PRKAG2: variants seen among roughly 807,000 people sequenced by gnomAD.
PRKAG2 encodes 5'-AMP-activated protein kinase subunit gamma-2.
A neutral mutation model predicts 69.6 loss-of-function variants in PRKAG2; 26 were observed. That is an observed-to-expected ratio of 0.37 (90% CI 0.27 to 0.52). The LOEUF (loss-of-function observed/expected upper bound fraction) is 0.52, where lower values mean the gene tolerates loss of function less well. Ranked by LOEUF, PRKAG2 falls within the 20% of genes least tolerant of loss-of-function variation. The pLI is 0.90. For synonymous variants in PRKAG2, 293 were observed against 285.0 expected (o/e 1.03, Z -0.28); for missense variants, 557 against 740.0 (o/e 0.75, Z 2.87).
At chr7:151,856,474 G>A (rs370703656) in intron 1 of PRKAG2, among the ~76,000 whole-genome samples, 6 of 152,212 alleles carry the variant, frequency 3.9e-5, no homozygotes, top group African/African-American at 7.2e-5. Flanking sequence ...ACGAAAAGAC[G>A]TCCTGCAGGG....
chr7:151,737,344 T>TAAAA lies in PRKAG2; in HGVS notation c.466+43804_466+43807dup, dbSNP rs576477445. On this transcript the variant is annotated intron_variant, in intron 3 of 15. Transcript: ENST00000287878. Reference sequence around the variant, plus strand: ...AACACAGTGAGACCCCCATCTCTATTAAAAAAAAAAAAAGAGAGATTTAGC... The same window carrying TAAAA: ...AACACAGTGAGACCCCCATCTCTATTAAAAAAAAAAAAAAAAAGAGAGATTTAGC... Among the ~76,000 whole-genome samples, 1,192 of 143,192 alleles carry TAAAA rather than the reference T, an allele frequency of 8.3e-3. 15 individuals carry two copies. Among genetic ancestry groups the TAAAA allele is most frequent in the African/African-American group, 0.028 (1,079 of 38,008 alleles). 93.9% of individuals were successfully genotyped at this position (143,192 alleles called of 152,430 possible). A position where few individuals can be genotyped will look rare whatever the true frequency, so the allele number is the denominator to read the frequency against.
intron 3 of PRKAG2, among the ~76,000 whole-genome samples, chr7:151,764,751 GA>G (rs2075638262): frequency 2.0e-5 from 3 of 152,176 alleles, no homozygotes; most frequent in Admixed American, 2.0e-4. Context: ...GCAGTGTCAG[GA>G]TGGTCAGGGT....
rs1440169714 is a variant in PRKAG2, at chr7:151,735,938, C to A, written c.466+45214G>T. The stretch of plus-strand genomic sequence containing the variant: ...AGGCTCCGACTGGCGCCTCTCCGTG[C>A]TTCGATTTTGGTCCTTGTGTTTCTT... On this transcript the variant is annotated intron_variant, in intron 3 of 15. Transcript: ENST00000287878. 6 of 1,536,276 alleles carry A rather than the reference C, an allele frequency of 3.9e-6. No individual in the cohort carries two copies. In the South Asian group the frequency reaches 7.1e-5, roughly 18 times the overall value.
chr7:151,839,325 G>A (rs548968935), intron 1 of PRKAG2, among the ~76,000 whole-genome samples: 5 of 152,320 alleles, frequency 3.3e-5, no homozygotes, highest in Admixed American at 2.6e-4. Context: ...CAGCGTGGCC[G>A]GGCACCGCGG....
In PRKAG2 at chr7:151,638,778, C is replaced by T. The variant is rs566113702; in HGVS notation, c.685-6640G>A. On this transcript the variant is annotated intron_variant, in intron 4 of 15. Coordinates refer to ENST00000287878, the MANE Select transcript of PRKAG2 (RefSeq NM_016203.4). The surrounding 1 kb of genome is among the most constrained non-coding windows in gnomAD (Gnocchi z 4.3). ...CAATTGCCAAAAAAGCACTCCTTTA[C>T]GCACAGAGGTCGGATATGAGTTTGC... Among the ~76,000 whole-genome samples, 12 of 152,312 alleles carry T rather than the reference C, an allele frequency of 7.9e-5. No individual in the cohort carries two copies. Among genetic ancestry groups the T allele is most frequent in the African/African-American group, 2.4e-4 (10 of 41,582 alleles).
At chr7:151,753,200 G>T (rs1174852409) in intron 3 of PRKAG2, among the ~76,000 whole-genome samples, 1 of 152,228 alleles carries the variant, frequency 6.6e-6, no homozygotes, top group Non-Finnish European at 1.5e-5. Context: ...GAAACAAAAC[G>T]CGTGGCTGGA....
At chr7:151,650,059 A>G (rs1828223678) in intron 4 of PRKAG2, among the ~76,000 whole-genome samples, 1 of 152,156 alleles carries the variant, frequency 6.6e-6, no homozygotes, top group Non-Finnish European at 1.5e-5. Context: ...AACAGCAAAA[A>G]TTAAAAAGAA....
At chr7:151,636,419 C>T (rs944699807) in intron 4 of PRKAG2, among the ~76,000 whole-genome samples, 2 of 152,144 alleles carry the variant, frequency 1.3e-5, no homozygotes, top group Non-Finnish European at 2.9e-5. Flanking sequence ...AATAGGTGGT[C>T]TTTTGTGACT....
chr7:151,635,570 G>A (rs887934511), intron 4 of PRKAG2, among the ~76,000 whole-genome samples: 4 of 150,076 alleles, frequency 2.7e-5, no homozygotes, highest in Non-Finnish European at 5.9e-5. Context: ...ATTATGCTGA[G>A]GGGGAAAAAG....
chr7:151,588,111 C>T (rs547187876), intron 6 of PRKAG2, among the ~76,000 whole-genome samples: 2 of 152,294 alleles, frequency 1.3e-5, no homozygotes, highest in South Asian at 2.1e-4. Context: ...TGCTTCCCCC[C>T]ACCAATCCTA....
intron 3 of PRKAG2, chr7:151,735,894 T>G: frequency 6.5e-7 from 1 of 1,535,838 alleles, no homozygotes; most frequent in Non-Finnish European, 8.7e-7. Flanking sequence ...ATGGGCAGAG[T>G]CCTACCGAAA....
chr7:151,654,834 A>C (rs1217128356), intron 4 of PRKAG2, among the ~76,000 whole-genome samples: 1 of 152,212 alleles, frequency 6.6e-6, no homozygotes, highest in Non-Finnish European at 1.5e-5. Context: ...CTGGGGCTAC[A>C]GGCATGTGCC....
intron 4 of PRKAG2, among the ~76,000 whole-genome samples, chr7:151,668,171 G>T (rs906513538): frequency 1.3e-5 from 2 of 152,326 alleles, no homozygotes; most frequent in South Asian, 2.1e-4. Context: ...AGAGCAGGTT[G>T]TTAAAAAGTG....
rs1206033307 is a variant in PRKAG2 at position 151,850,914 on chromosome 7, A to T, written c.114+25593T>A. ...TAAGAAGTCCTCGATGAGCCGCCGCAATGTGACCTTAGGCCAGTCACTTGA... is the reference window on the plus strand; with the variant it reads ...TAAGAAGTCCTCGATGAGCCGCCGCTATGTGACCTTAGGCCAGTCACTTGA... On this transcript the variant is annotated intron_variant, in intron 1 of 15. Transcript: ENST00000287878. This position sits in a 1 kb window ranked among gnomAD's most constrained non-coding sequence, Gnocchi z 4.1. Among the ~76,000 whole-genome samples, 3 of 152,270 alleles carry T rather than the reference A, an allele frequency of 2.0e-5. No homozygotes were observed. The East Asian group carries it at 5.8e-4, about 29-fold the overall frequency.
chr7:151,702,609 C>T (rs1344284131), intron 3 of PRKAG2, among the ~76,000 whole-genome samples: 1 of 152,266 alleles, frequency 6.6e-6, no homozygotes, highest in Non-Finnish European at 1.5e-5. Flanking sequence ...TTTGAAGTTT[C>T]ACACTCACCA....
chr7:151,563,928 G>C (rs1170020908), intron 14 of PRKAG2, 150 bp downstream of exon 14: 5 of 1,021,314 alleles, frequency 4.9e-6, no homozygotes, highest in East Asian at 4.8e-5. Context: ...TAGTGTGCCA[G>C]GTTCTGGGAC....
rs781522393 is a variant in PRKAG2, at chr7:151,675,519, A to G, written c.585T>C (p.Ser195=). 2 of 1,614,054 alleles carry G rather than the reference A, an allele frequency of 1.2e-6. No individual in the cohort carries two copies. Among genetic ancestry groups the G allele is most frequent in the Non-Finnish European group, 1.7e-6 (2 of 1,180,006 alleles). ...ACCTCTGCCCTGTGTCCGGGGGGGA[A>G]GACGAGGCATAGATGCGATTCTCTA... is the stretch of plus-strand genomic sequence containing the variant. ...ERLENRIYAS[S]SPPDTGQRFC... Residue 195 remains serine (S), a synonymous_variant, in exon 4 of 16, where the codon TCT becomes TCC. Transcript: ENST00000287878.
At chr7:151,793,898 G>T (rs372535972) in intron 1 of PRKAG2, among the ~76,000 whole-genome samples, 275 of 152,344 alleles carry the variant, frequency 1.8e-3, no homozygotes, top group African/African-American at 5.4e-3. Context: ...GGCAGCAGGG[G>T]AGGGCCAGTG....
chr7:151,592,469 G>A (rs3789810), intron 6 of PRKAG2, among the ~76,000 whole-genome samples: 21,876 of 152,064 alleles, frequency 0.14, 1,692 homozygotes, highest in East Asian at 0.26. Context: ...AGCCAAGCCC[G>A]AGACTGCTCT....
Sources: gnomAD v4.1 joint callset for allele counts (sites outside exome capture counted in the v4.1 genomes callset) on GRCh38, gnomAD v4.1.1 for gene constraint, Gnocchi (gnomAD v3.1) non-coding constraint, MANE v1.5 for transcripts, NCBI Gene and HGNC (gene_info 2026-07-23, HGNC 2026-07-21) for gene names.